The following PARD3 variants were observed in gnomAD, a reference collection of about 807,000 sequenced individuals.
The protein encoded by PARD3 is par-3 family cell polarity regulator.
In PARD3, 75 loss-of-function variants were observed where a neutral mutation model predicts 155.4. That is an observed-to-expected ratio of 0.48 (90% CI 0.40 to 0.58). The LOEUF (loss-of-function observed/expected upper bound fraction) is 0.58, where lower values mean the gene tolerates loss of function less well. Ranked by LOEUF, PARD3 falls within the 20% of genes least tolerant of loss-of-function variation. The probability of loss-of-function intolerance (pLI) is 0.00; values close to 1 mark genes in which losing one functional copy is unlikely to be tolerated. For synonymous variants in PARD3, 576 were observed against 610.5 expected (o/e 0.94, Z 0.83); for missense variants, 1,642 against 1,721.7 (o/e 0.95, Z 0.82).
In PARD3 at chr10:34,475,630, C is replaced by T. The variant is rs1222865926; in HGVS notation, c.404-5367G>A. ...TTAGTCATTTGGAAAATATTAGTTA[C>T]TGAGTTATGCCAATCTTCCAAATGT... On this transcript the variant is annotated intron_variant, in intron 3 of 24. Transcript: ENST00000374788. Among the ~76,000 whole-genome samples, 3 of 152,166 alleles carry T rather than the reference C, an allele frequency of 2.0e-5. No individual in the cohort carries two copies. In the East Asian group the frequency reaches 5.8e-4, roughly 29 times the overall value.
intron 1 of PARD3, among the ~76,000 whole-genome samples, chr10:34,705,531 T>C (rs1187776366): frequency 6.6e-6 from 1 of 150,458 alleles, no homozygotes; most frequent in Non-Finnish European, 1.5e-5. Flanking sequence ...AACTGAAACA[T>C]AGGACCCATC....
chr10:34,684,667 A>G (rs2093910834), intron 2 of PARD3, among the ~76,000 whole-genome samples: 1 of 151,920 alleles, frequency 6.6e-6, no homozygotes, highest in South Asian at 2.1e-4. Context: ...CTGCCTCCTC[A>G]TTCATTCTTC....
chr10:34,162,163 AG>A (rs1564444862), intron 22 of PARD3, among the ~76,000 whole-genome samples: 1 of 152,290 alleles, frequency 6.6e-6, no homozygotes. Context: ...CAACCTGCAC[AG>A]GGAGTTTGCC....
At chr10:34,254,246 G>A (rs1954513767) in intron 22 of PARD3, among the ~76,000 whole-genome samples, 1 of 152,064 alleles carries the variant, frequency 6.6e-6, no homozygotes, top group African/African-American at 2.4e-5. Context: ...TGGGCATGGT[G>A]GCACGTGCTG....
At chr10:34,333,437 C>CCTA (rs1835830588) in intron 18 of PARD3, among the ~76,000 whole-genome samples, 1 of 152,004 alleles carries the variant, frequency 6.6e-6, no homozygotes, top group South Asian at 2.1e-4. Context: ...TCAGAGCATA[C>CCTA]CTACCTATTT....
At chr10:34,661,589 G>C (rs749488913) in intron 2 of PARD3, among the ~76,000 whole-genome samples, 9 of 152,160 alleles carry the variant, frequency 5.9e-5, no homozygotes, top group Non-Finnish European at 7.3e-5. Context: ...TAGTAGAGCC[G>C]GATGTTTTAT....
intron 1 of PARD3, among the ~76,000 whole-genome samples, chr10:34,700,595 A>T (rs2094256347): frequency 6.7e-6 from 1 of 149,738 alleles, no homozygotes; most frequent in Non-Finnish European, 1.5e-5. Context: ...CTATGTTGAT[A>T]AAAAAAAAAT....
intron 22 of PARD3, among the ~76,000 whole-genome samples, chr10:34,179,538 T>C (rs948635057): frequency 5.3e-5 from 8 of 152,216 alleles, no homozygotes; most frequent in Admixed American, 2.6e-4. Flanking sequence ...AGAAAATCGC[T>C]GTAACAATCC....
intron 2 of PARD3, among the ~76,000 whole-genome samples, chr10:34,614,112 G>C (rs1281208251): frequency 2.0e-5 from 3 of 152,108 alleles, no homozygotes; most frequent in Non-Finnish European, 2.9e-5. Flanking sequence ...GAAAAAAAAA[G>C]TTTTCCTACT....
chr10:34,506,789 A>G (rs2081092855), intron 3 of PARD3, among the ~76,000 whole-genome samples: 1 of 152,158 alleles, frequency 6.6e-6, no homozygotes, highest in Non-Finnish European at 1.5e-5. Context: ...TCACCATGTT[A>G]ATGGCCATTT....
intron 20 of PARD3, among the ~76,000 whole-genome samples, chr10:34,303,162 ATTTTTTT>A (rs5784409): frequency 7.6e-6 from 1 of 132,002 alleles, no homozygotes; most frequent in South Asian, 2.3e-4. Flanking sequence ...GCCCAGGTGA[ATTTTTTT>A]TTTTTTTTTT....
intron 20 of PARD3, among the ~76,000 whole-genome samples, chr10:34,313,674 G>A (rs547674902): frequency 6.6e-6 from 1 of 152,204 alleles, no homozygotes; most frequent in Admixed American, 6.5e-5. Context: ...TTAAAACAAG[G>A]CCTATCTATT....
intron 2 of PARD3, among the ~76,000 whole-genome samples, chr10:34,564,490 C>G (rs2134092659): frequency 6.6e-6 from 1 of 152,294 alleles, no homozygotes; most frequent in Admixed American, 6.5e-5. Flanking sequence ...CACAAGTCAT[C>G]AGCAATCTTC....
intron 2 of PARD3, among the ~76,000 whole-genome samples, chr10:34,634,811 G>A (rs2092407025): frequency 1.3e-5 from 2 of 152,196 alleles, no homozygotes. Flanking sequence ...TCAGTTTGTT[G>A]GGTGATTTCT....
At chr10:34,183,642 A>G (rs1950361416) in intron 22 of PARD3, among the ~76,000 whole-genome samples, 1 of 152,166 alleles carries the variant, frequency 6.6e-6, no homozygotes, top group African/African-American at 2.4e-5. Context: ...TTGCATATTA[A>G]AAGTCTAAGG....
chr10:34,136,889 G>A (rs1947927905), intron 22 of PARD3, among the ~76,000 whole-genome samples: 2 of 152,124 alleles, frequency 1.3e-5, no homozygotes, highest in South Asian at 2.1e-4. Context: ...ATCGGCATGT[G>A]TATGGGCTTT....
chr10:34,456,970 A>G (rs2077373703), intron 4 of PARD3, among the ~76,000 whole-genome samples: 1 of 152,230 alleles, frequency 6.6e-6, no homozygotes, highest in Admixed American at 6.5e-5. Flanking sequence ...AAGAATTTCT[A>G]TATTAGAAAG....
chr10:34,184,698 G>GTTTT (rs9336860), intron 22 of PARD3, among the ~76,000 whole-genome samples: 252 of 134,998 alleles, frequency 1.9e-3, no homozygotes, highest in African/African-American at 6.6e-3. Flanking sequence ...AGGCCTTTCG[G>GTTTT]TTTTTTTTTT....
chr10:34,561,323 T>C (rs939250245), intron 2 of PARD3, among the ~76,000 whole-genome samples: 1 of 152,304 alleles, frequency 6.6e-6, no homozygotes, highest in Middle Eastern at 3.4e-3. Context: ...AATCTTATCT[T>C]GTTAAAGGTT....
Sources: allele counts gnomAD v4.1 joint callset (sites outside exome capture counted in the v4.1 genomes callset), GRCh38; gene constraint gnomAD v4.1.1; transcripts MANE v1.5; gene names NCBI Gene and HGNC (gene_info 2026-07-23, HGNC 2026-07-21).